VSTM2A: variants seen among roughly 807,000 people sequenced by gnomAD.
VSTM2A encodes the protein V-set and transmembrane domain containing 2A.
In VSTM2A, 13 loss-of-function variants were observed where a neutral mutation model predicts 27.3. The observed-to-expected ratio is 0.48, with a 90% confidence interval of 0.31 to 0.76. The LOEUF is 0.76. VSTM2A is among the 30% of genes least tolerant of loss of function. The probability of loss-of-function intolerance (pLI) is 0.05; values close to 1 mark genes in which losing one functional copy is unlikely to be tolerated. For synonymous variants in VSTM2A, 142 were observed against 125.7 expected, an observed-to-expected ratio of 1.13 and a Z score of -0.87; for missense variants, 280 against 310.0, an observed-to-expected ratio of 0.90 and a Z score of 0.73.
At chr7:54,549,041 C>A (rs1788096369) in intron 3 of VSTM2A, among the ~76,000 whole-genome samples, 1 of 149,774 alleles carries the variant, frequency 6.7e-6, no homozygotes, top group Non-Finnish European at 1.5e-5. Flanking sequence ...AATATAAAAT[C>A]ATATATCTAA....
intron 1 of VSTM2A, among the ~76,000 whole-genome samples, chr7:54,543,045 C>A (rs1457175684): frequency 6.6e-6 from 1 of 152,038 alleles, no homozygotes; most frequent in African/African-American, 2.4e-5. Context: ...TCGGTGAGCA[C>A]AAACACAGGG....
chr7:54,556,469 T>G (rs1484709905), intron 4 of VSTM2A, among the ~76,000 whole-genome samples: 1 of 151,932 alleles, frequency 6.6e-6, no homozygotes, highest in Non-Finnish European at 1.5e-5. Context: ...GCAGGGAGAG[T>G]GCTTGTCTCA....
rs1788846724 is a variant in VSTM2A at position 54,570,146 on chromosome 7, G to A, written c.*927G>A. Reference sequence around the variant, plus strand: ...CTGATCGATGAATTAATTTTGTTATGTCTGTGCTAAGTTGGAATTTACTAT... The same window carrying A: ...CTGATCGATGAATTAATTTTGTTATATCTGTGCTAAGTTGGAATTTACTAT... On this transcript the variant is annotated 3_prime_UTR_variant, in exon 5 of 5. Transcript: ENST00000402613. 6.6e-6 allele frequency: 1 copy of A among 152,080 alleles called. No homozygotes were observed. Among genetic ancestry groups the A allele is most frequent in the African/African-American group, 2.4e-5 (1 of 41,414 alleles). 9.4% of individuals were successfully genotyped at this position (152,080 alleles called of 1,614,324 possible). A position where few individuals can be genotyped will look rare whatever the true frequency, so the allele number is the denominator to read the frequency against.
intron 3 of VSTM2A, among the ~76,000 whole-genome samples, chr7:54,548,695 T>G (rs1212314579): frequency 3.3e-5 from 5 of 152,160 alleles, no homozygotes; most frequent in African/African-American, 1.2e-4. Context: ...ATTTTTATAG[T>G]ATTAGTATAT....
intron 4 of VSTM2A, among the ~76,000 whole-genome samples, chr7:54,565,211 T>G (rs1172849822): frequency 1.3e-5 from 2 of 152,244 alleles, no homozygotes; most frequent in East Asian, 3.9e-4. Flanking sequence ...CATATCTTTG[T>G]CTTTGCATGA....
intron 4 of VSTM2A, among the ~76,000 whole-genome samples, chr7:54,560,985 A>G (rs559210973): frequency 5.9e-5 from 9 of 152,194 alleles, no homozygotes; most frequent in Non-Finnish European, 1.2e-4. Flanking sequence ...TCAGCCTTGT[A>G]TATAATCTTT....
chr7:54,546,980 G>A lies in VSTM2A; in HGVS notation c.280G>A (p.Asp94Asn). The change falls in exon 3 of 5, where the codon GAC becomes AAC. Residue 94 changes from aspartate to asparagine, a missense_variant. Asp to Asn is a conservative substitution (Grantham distance 23, BLOSUM62 1). Coordinates refer to ENST00000402613, the MANE Select transcript of VSTM2A (RefSeq NM_001301009.2). ...ELLPDRDPDSDGTKISTVKVQ... is the reference protein window; with the variant it reads ...ELLPDRDPDSNGTKISTVKVQ... ...CTTGCCCGACAGAGACCCGGACAGC[G>A]ACGGGACCAAGATCAGCGTGAGTGC... 6.3e-7 allele frequency: 1 copy of A among 1,591,972 alleles called. No individual in the cohort carries two copies. Among genetic ancestry groups the A allele is most frequent in the Middle Eastern group, 1.7e-4 (1 of 5,994 alleles).
intron 4 of VSTM2A, chr7:54,550,756 A>C (rs968703839): frequency 2.0e-5 from 3 of 153,576 alleles, no homozygotes; most frequent in African/African-American, 7.2e-5. Flanking sequence ...CTTCCAGGCC[A>C]ATTTAGAAGC....
intron 4 of VSTM2A, chr7:54,553,844 T>G (rs1788265120): frequency 6.4e-7 from 1 of 1,551,014 alleles, no homozygotes; most frequent in African/African-American, 1.4e-5. Flanking sequence ...CATTCTCTAC[T>G]TGTTTCTTCC....
chr7:54,563,106 G>A (rs747524973), intron 4 of VSTM2A, among the ~76,000 whole-genome samples: 4 of 152,028 alleles, frequency 2.6e-5, no homozygotes, highest in Admixed American at 1.3e-4. Flanking sequence ...AATTTATATT[G>A]TTCTCCTTTG....
At chr7:54,562,202 G>A (rs767448636) in intron 4 of VSTM2A, among the ~76,000 whole-genome samples, 8 of 152,312 alleles carry the variant, frequency 5.3e-5, no homozygotes, top group East Asian at 1.9e-4. Flanking sequence ...GATTACAGGC[G>A]TGAGCCACCG....
chr7:54,550,262 T>G, intron 4 of VSTM2A, 92 bp downstream of exon 4: 1 of 1,525,620 alleles, frequency 6.6e-7, no homozygotes, highest in Non-Finnish European at 8.8e-7. Context: ...TTATGAATGG[T>G]GATTTTTAAA....
At chr7:54,564,885 T>G (rs189435570) in intron 4 of VSTM2A, among the ~76,000 whole-genome samples, 8 of 152,366 alleles carry the variant, frequency 5.3e-5, no homozygotes, top group African/African-American at 1.9e-4. Context: ...GTAAGAAATT[T>G]GGTACATTAC....
intron 4 of VSTM2A, among the ~76,000 whole-genome samples, chr7:54,563,959 T>A (rs1190321158): frequency 6.6e-6 from 1 of 152,238 alleles, no homozygotes; most frequent in Admixed American, 6.5e-5. Context: ...TTATTTGACC[T>A]TTCCCCTTAA....
chr7:54,571,044 T>G lies in VSTM2A; in HGVS notation c.*1825T>G, dbSNP rs1215855157. ...TATCATTTCAGTTTAATGAGAAAAA[T>G]TAATAAAGGTTTTGATTGCACTATT... On this transcript the variant is annotated 3_prime_UTR_variant, in exon 5 of 5. Coordinates refer to ENST00000402613, the MANE Select transcript of VSTM2A (RefSeq NM_001301009.2). The G allele has an allele frequency of 1.3e-5, 2 of 152,192 alleles. No homozygotes were observed. The highest frequency in any genetic ancestry group is 2.9e-5 in the Non-Finnish European group (2 of 68,024). The allele number at this position is 152,192 out of a possible 1,614,324, so 9.4% of individuals were successfully genotyped here.
chr7:54,565,024 A>G (rs1017247181), intron 4 of VSTM2A, among the ~76,000 whole-genome samples: 1 of 152,236 alleles, frequency 6.6e-6, no homozygotes, highest in Non-Finnish European at 1.5e-5. Context: ...AGTATGTTAT[A>G]TGTGAACTAT....
intron 4 of VSTM2A, among the ~76,000 whole-genome samples, chr7:54,553,577 T>G (rs1377396620): frequency 3.3e-5 from 5 of 152,224 alleles, no homozygotes; most frequent in Non-Finnish European, 7.3e-5. Context: ...ATAGATGTTC[T>G]GAGAAGGTGA....
intron 4 of VSTM2A, among the ~76,000 whole-genome samples, chr7:54,563,225 T>C (rs1788616591): frequency 6.6e-6 from 1 of 152,192 alleles, no homozygotes; most frequent in Non-Finnish European, 1.5e-5. Context: ...GATGCAAATA[T>C]TTGTACCATC....
chr7:54,550,416 G>A (rs1448944934), intron 4 of VSTM2A: 1 of 1,068,420 alleles, frequency 9.4e-7, no homozygotes, highest in East Asian at 2.7e-5. Context: ...GCTGGACTCT[G>A]GTTTTTATCC....
Sources: gnomAD v4.1 joint callset for allele counts (sites outside exome capture counted in the v4.1 genomes callset) on GRCh38, gnomAD v4.1.1 for gene constraint, MANE v1.5 for transcripts, NCBI Gene and HGNC (gene_info 2026-07-23, HGNC 2026-07-21) for gene names.